TMEM132B: variants seen among roughly 807,000 people sequenced by gnomAD.
The protein encoded by TMEM132B is transmembrane protein 132B.
Under a neutral mutation model 90.8 loss-of-function variants are expected in TMEM132B, and 18 were observed. The observed-to-expected ratio is 0.20, with a 90% CI of 0.14 to 0.29. TMEM132B has a LOEUF of 0.29. Ranked by LOEUF, TMEM132B falls within the 10% of genes least tolerant of loss-of-function variation. The pLI is 1.00. For synonymous variants in TMEM132B, 504 were observed against 523.3 expected, an observed-to-expected ratio of 0.96 and a Z score of 0.50; for missense variants, 1,096 against 1,326.8, an observed-to-expected ratio of 0.83 and a Z score of 2.70.
At chr12:125,641,626 A>G (rs1191131203) in intron 5 of TMEM132B, among the ~76,000 whole-genome samples, 1 of 152,218 alleles carries the variant, frequency 6.6e-6, no homozygotes, top group Non-Finnish European at 1.5e-5. Context: ...TATTTTTCCC[A>G]TATGAGCTAT....
chr12:125,464,502 A>C (rs1285086723), intron 3 of TMEM132B, among the ~76,000 whole-genome samples: 1 of 152,136 alleles, frequency 6.6e-6, no homozygotes, highest in Non-Finnish European at 1.5e-5. Context: ...CTTCTTAGCA[A>C]ATGTCCTTGA....
intron 1 of TMEM132B, among the ~76,000 whole-genome samples, chr12:125,232,665 C>T (rs1415274128): frequency 1.3e-5 from 2 of 152,170 alleles, no homozygotes; most frequent in Non-Finnish European, 2.9e-5. Flanking sequence ...TGTACAAAGT[C>T]ACATTGTGCA....
chr12:125,552,709 G>A (rs1039440792), intron 4 of TMEM132B, among the ~76,000 whole-genome samples: 1 of 152,196 alleles, frequency 6.6e-6, no homozygotes, highest in African/African-American at 2.4e-5. Flanking sequence ...TTGCATGATG[G>A]TTTGACCGCA....
intron 1 of TMEM132B, among the ~76,000 whole-genome samples, chr12:125,274,268 C>T (rs2136122915): frequency 6.6e-6 from 1 of 152,252 alleles, no homozygotes; most frequent in Admixed American, 6.5e-5. Flanking sequence ...AGGAATGTTC[C>T]AGGATTTATC....
rs562334871 is a variant in TMEM132B, at chr12:125,246,226, G to C, written c.67+59360G>C. Among the ~76,000 whole-genome samples the C allele has an allele frequency of 6.6e-6, 1 of 152,358 alleles. No homozygotes were observed. Among genetic ancestry groups the C allele is most frequent in the African/African-American group, 2.4e-5 (1 of 41,584 alleles). On this transcript the variant is annotated intron_variant, in intron 1 of 8. Transcript: ENST00000682704. This position sits in a 1 kb window ranked among gnomAD's most constrained non-coding sequence, Gnocchi z 4.2. ...GCCGAGGAGAATGTCAAGCCTGTTA[G>C]ATCATAAAAACCAGCATTGCTGTCA...
At chr12:125,301,087 T>C (rs1875812984) in intron 1 of TMEM132B, 2 of 152,188 alleles carry the variant, frequency 1.3e-5, no homozygotes, top group African/African-American at 4.8e-5. Context: ...AAAATTTCTT[T>C]AGTTGAAATT....
intron 1 of TMEM132B, among the ~76,000 whole-genome samples, chr12:125,298,326 A>T (rs1361780125): frequency 1.9e-5 from 1 of 53,680 alleles, no homozygotes; most frequent in Non-Finnish European, 3.8e-5. Context: ...CCTCCCACCC[A>T]CCCAGCAGCT....
At position 125,519,439 on chromosome 12, in the gene TMEM132B, G is replaced by A; in HGVS notation, c.1107G>A (p.Arg369=). The A allele has an allele frequency of 6.2e-7, 1 of 1,602,818 alleles. No homozygotes were observed. The highest frequency in any genetic ancestry group is 8.5e-7 in the Non-Finnish European group (1 of 1,173,176). Residue 369 remains arginine, a splice_region_variant and synonymous_variant, in exon 4 of 9, where the codon AGG becomes AGA. Transcript: ENST00000682704. ...CMGHRPDTQS[R]VNGSFYEILQ... Reference sequence around the variant, plus strand: ...ACCTTAATATGTGTTTGTTTTCCAGGGTAAATGGATCCTTCTATGAGATCT... The same window carrying A: ...ACCTTAATATGTGTTTGTTTTCCAGAGTAAATGGATCCTTCTATGAGATCT...
At chr12:125,276,241 G>T (rs1206992888) in intron 1 of TMEM132B, among the ~76,000 whole-genome samples, 2 of 152,208 alleles carry the variant, frequency 1.3e-5, no homozygotes, top group Non-Finnish European at 2.9e-5. Context: ...AACTGTGACT[G>T]CCCTGGCTTC....
Position 125,655,292 on chromosome 12 carries a change from T to A in TMEM132B, c.*582T>A, listed in dbSNP as rs1025203277. The A allele has an allele frequency of 6.6e-6, 1 of 152,428 alleles. No individual in the cohort carries two copies. 9.4% of individuals were successfully genotyped at this position (152,428 alleles called of 1,614,324 possible). On this transcript the variant is annotated 3_prime_UTR_variant, in exon 9 of 9. Transcript: ENST00000682704. ...CCTTGAGCTCTGTTTGATTTACACA[T>A]GAGTTTTCTTCCCTGGGATTTGCCA...
intron 3 of TMEM132B, among the ~76,000 whole-genome samples, chr12:125,451,008 T>C (rs1881135010): frequency 6.6e-6 from 1 of 152,158 alleles, no homozygotes; most frequent in Non-Finnish European, 1.5e-5. Flanking sequence ...TGTGTGTGTA[T>C]GTTGTACTCT....
chr12:125,267,187 G>C (rs1451302371), intron 1 of TMEM132B, among the ~76,000 whole-genome samples: 1 of 152,142 alleles, frequency 6.6e-6, no homozygotes, highest in African/African-American at 2.4e-5. Flanking sequence ...GATCTCTGAG[G>C]TCATCCTGAG....
intron 4 of TMEM132B, among the ~76,000 whole-genome samples, chr12:125,557,743 T>C (rs1203793114): frequency 6.6e-6 from 1 of 152,058 alleles, no homozygotes; most frequent in African/African-American, 2.4e-5. Context: ...TCTCCGAGAC[T>C]GATTAGTGGT....
intron 1 of TMEM132B, among the ~76,000 whole-genome samples, chr12:125,284,490 CT>C (rs1267218681): frequency 6.6e-6 from 1 of 152,242 alleles, no homozygotes; most frequent in African/African-American, 2.4e-5. Context: ...TTCCTCCCCC[CT>C]GCTCCCTTCT....
intron 3 of TMEM132B, among the ~76,000 whole-genome samples, chr12:125,482,085 A>G (rs1882058381): frequency 6.6e-6 from 1 of 152,072 alleles, no homozygotes; most frequent in East Asian, 1.9e-4. Context: ...TTCCTTACAC[A>G]CTTATACAAA....
chr12:125,648,219 C>G (rs1373448678), intron 6 of TMEM132B, among the ~76,000 whole-genome samples: 3,224 of 83,856 alleles, frequency 0.038, no homozygotes, highest in African/African-American at 0.051. Context: ...CATGTCCCTA[C>G]AAAGGACATG....
intron 1 of TMEM132B, among the ~76,000 whole-genome samples, chr12:125,347,095 G>T (rs753214410): frequency 2.0e-5 from 3 of 152,124 alleles, no homozygotes; most frequent in Non-Finnish European, 2.9e-5. Context: ...TGAATTCCTG[G>T]GATGGGCATT....
At chr12:125,380,084 A>G (rs1306533051) in intron 2 of TMEM132B, among the ~76,000 whole-genome samples, 2 of 152,310 alleles carry the variant, frequency 1.3e-5, no homozygotes, top group East Asian at 3.9e-4. Flanking sequence ...CACAAACTTG[A>G]TGGCTTAAAA....
intron 3 of TMEM132B, among the ~76,000 whole-genome samples, chr12:125,442,780 G>T (rs1880910827): frequency 6.6e-6 from 1 of 152,216 alleles, no homozygotes; most frequent in Admixed American, 6.5e-5. Context: ...TGTCCTGGAA[G>T]TGGAGTTGAG....
Sources: allele counts gnomAD v4.1 joint callset (sites outside exome capture counted in the v4.1 genomes callset), GRCh38; gene constraint gnomAD v4.1.1; non-coding constraint Gnocchi (gnomAD v3.1); transcripts MANE v1.5; gene names NCBI Gene and HGNC (gene_info 2026-07-23, HGNC 2026-07-21).